ME3: variants seen among roughly 807,000 people sequenced by gnomAD.
The protein encoded by ME3 is NADP-dependent malic enzyme, mitochondrial.
ME3 carries 48 observed loss-of-function variants against 68.9 expected under a neutral mutation model. The ratio of observed to expected loss-of-function variants is 0.70; its 90% CI spans 0.55 to 0.89. ME3 has a LOEUF of 0.89. Among genes scored for constraint, ME3 ranks in the 40% least tolerant of loss-of-function variants. The pLI, the probability that ME3 is intolerant of heterozygous loss-of-function variation, is 0.00. For synonymous variants in ME3, 320 were observed against 318.8 expected, an observed-to-expected ratio of 1.00 and a Z score of -0.04; for missense variants, 675 against 797.4, an observed-to-expected ratio of 0.85 and a Z score of 1.85.
chr11:86,450,445 C>T (rs746711039), intron 8 of ME3, 47 bp from the exon 9 acceptor site: 2 of 1,525,836 alleles, frequency 1.3e-6, no homozygotes, highest in Admixed American at 1.7e-5. Context: ...AGGCCGCCAG[C>T]TCCCAAGAGA....
At chr11:86,580,969 G>A (rs1958410490) in intron 2 of ME3, among the ~76,000 whole-genome samples, 1 of 152,148 alleles carries the variant, frequency 6.6e-6, no homozygotes, top group Admixed American at 6.6e-5. Flanking sequence ...TAGAGGAAAA[G>A]GGGGAAGCAT....
intron 5 of ME3, among the ~76,000 whole-genome samples, chr11:86,505,262 G>T (rs112264949): frequency 0.022 from 3,329 of 152,196 alleles, 134 homozygotes; most frequent in African/African-American, 0.075. Context: ...CTAGGGGTGG[G>T]GGGGGAGGAA....
intron 7 of ME3, among the ~76,000 whole-genome samples, chr11:86,482,447 C>T (rs768615818): frequency 3.9e-5 from 6 of 152,018 alleles, no homozygotes; most frequent in East Asian, 1.9e-4. Context: ...TCTTTTCTCA[C>T]GCCTTCCTAT....
chr11:86,438,577 A>G (rs1948910093), downstream of ME3, among the ~76,000 whole-genome samples: 1 of 152,068 alleles, frequency 6.6e-6, no homozygotes, highest in Admixed American at 6.5e-5. Context: ...ATAAATTCCA[A>G]CCAATGAAGC....
Position 86,605,157 on chromosome 11 carries a change from C to G in ME3, c.184-45334G>C, listed in dbSNP as rs112694298. On this transcript the variant is annotated intron_variant, in intron 2 of 14. Coordinates refer to ENST00000543262, the Ensembl canonical transcript of ME3. ...TAACACAATGTTTTTGAGGTTCATCCATGTTGTATCATGTATCAGTACTTC... is the reference window on the plus strand; with the variant it reads ...TAACACAATGTTTTTGAGGTTCATCGATGTTGTATCATGTATCAGTACTTC... Among the ~76,000 whole-genome samples the G allele has an allele frequency of 3.2e-3, 482 of 152,286 alleles. 2 individuals are homozygous for G. Among genetic ancestry groups the G allele is most frequent in the African/African-American group, 0.01 (434 of 41,554 alleles).
At chr11:86,613,011 T>C (rs1157581535) in intron 2 of ME3, among the ~76,000 whole-genome samples, 1 of 152,226 alleles carries the variant, frequency 6.6e-6, no homozygotes, top group Non-Finnish European at 1.5e-5. Context: ...TGGTATTGTC[T>C]AGATTTTCTT....
intron 8 of ME3, among the ~76,000 whole-genome samples, chr11:86,455,844 A>G (rs1179730004): frequency 6.6e-6 from 1 of 152,080 alleles, no homozygotes; most frequent in Admixed American, 6.6e-5. Flanking sequence ...AGAAACACCA[A>G]GCTGACATCC....
intron 14 of ME3, 38 bp downstream of exon 14, chr11:86,442,783 C>A: frequency 6.6e-7 from 1 of 1,518,360 alleles, no homozygotes; most frequent in Non-Finnish European, 9.1e-7. Flanking sequence ...AGTGGTTGAG[C>A]CTCACTACCC....
intron 2 of ME3, among the ~76,000 whole-genome samples, chr11:86,643,372 C>G (rs774961357): frequency 6.6e-6 from 1 of 152,130 alleles, no homozygotes; most frequent in Non-Finnish European, 1.5e-5. Flanking sequence ...CCATTCAGAA[C>G]CACCCACAAA....
At chr11:86,498,031 T>A in exon 6 of ME3, 1 of 1,613,572 alleles carries the variant, frequency 6.2e-7, no homozygotes, top group Non-Finnish European at 8.5e-7. Context: ...CCGCATGCCG[T>A]GTACAGGGCC....
At chr11:86,580,078 C>T (rs533517206) in intron 2 of ME3, among the ~76,000 whole-genome samples, 67 of 152,306 alleles carry the variant, frequency 4.4e-4, no homozygotes, top group African/African-American at 1.6e-3. Context: ...AAAATATTTT[C>T]TCATTTCATA....
At chr11:86,645,819 A>T (rs893895370) in intron 2 of ME3, among the ~76,000 whole-genome samples, 4 of 152,146 alleles carry the variant, frequency 2.6e-5, no homozygotes, top group African/African-American at 9.7e-5. Flanking sequence ...GGCATCTGGG[A>T]GGTGCCCCTC....
chr11:86,553,043 A>C (rs1176270249), intron 4 of ME3, among the ~76,000 whole-genome samples: 6 of 152,120 alleles, frequency 3.9e-5, no homozygotes, highest in African/African-American at 1.4e-4. Flanking sequence ...CACCTCTTCC[A>C]GCTCACACAC....
chr11:86,481,472 T>C (rs943430891), intron 7 of ME3, among the ~76,000 whole-genome samples: 8 of 152,132 alleles, frequency 5.3e-5, no homozygotes, highest in African/African-American at 1.9e-4. Context: ...CTGAAGTCTG[T>C]ATTCTTGACA....
In ME3 at chr11:86,442,842, C is replaced by CAAAATAGGGGT; in HGVS notation, c.1631_1632insACCCCTATTTT (p.Ser545ProfsTer6). ...TTACTTTGATGGCAATTCTCAAAGACACGTCTCGGATGGTGCTGAGTGGTG... is the reference window on the plus strand; with the variant it reads ...TTACTTTGATGGCAATTCTCAAAGACAAAATAGGGGTACGTCTCGGATGGTGCTGAGTGGTG... On this transcript the variant is annotated frameshift_variant, in exon 14 of 15. Transcript: ENST00000543262. LOFTEE classifies it high-confidence loss of function. 6.2e-7 allele frequency: 1 copy of CAAAATAGGGGT among 1,612,832 alleles called. No homozygotes were observed. The highest frequency in any genetic ancestry group is 8.5e-7 in the Non-Finnish European group (1 of 1,179,046).
intron 2 of ME3, among the ~76,000 whole-genome samples, chr11:86,605,538 G>T (rs1961502818): frequency 6.6e-6 from 1 of 152,162 alleles, no homozygotes; most frequent in African/African-American, 2.4e-5. Flanking sequence ...TTGGACATTA[G>T]CTATCTCATG....
intron 2 of ME3, among the ~76,000 whole-genome samples, chr11:86,581,532 G>A (rs1451364567): frequency 6.6e-6 from 1 of 152,188 alleles, no homozygotes; most frequent in East Asian, 1.9e-4. Context: ...CTAAATTAAT[G>A]TCAACTATTG....
At chr11:86,575,500 A>T (rs1453084121) in intron 2 of ME3, among the ~76,000 whole-genome samples, 1 of 147,580 alleles carries the variant, frequency 6.8e-6, no homozygotes, top group South Asian at 2.1e-4. Context: ...TAAAGTTATT[A>T]ACAATGATAG....
rs144697742 is a variant in ME3 at position 86,643,069 on chromosome 11, A to G, written c.183+28693T>C. 5.8e-3 allele frequency among the ~76,000 whole-genome samples: 882 copies of G among 152,278 alleles called. 16 individuals carry two copies. Among genetic ancestry groups the G allele is most frequent in the African/African-American group, 0.02 (816 of 41,546 alleles). On this transcript the variant is annotated intron_variant, in intron 2 of 14. Coordinates refer to ENST00000543262, the Ensembl canonical transcript of ME3. The stretch of plus-strand genomic sequence containing the variant: ...ATGGAGCTCAAGGAATTCTGAAAAG[A>G]GCCCAGTCTTTTGCTTCCTTAGGCC...
Sources: allele counts gnomAD v4.1 joint callset (sites outside exome capture counted in the v4.1 genomes callset), GRCh38; gene constraint gnomAD v4.1.1; transcripts MANE v1.5; gene names NCBI Gene and HGNC (gene_info 2026-07-23, HGNC 2026-07-21).